KLHL1: variants seen among roughly 807,000 people sequenced by gnomAD.
KLHL1 encodes kelch like family member 1.
Under a neutral mutation model 77.7 loss-of-function variants are expected in KLHL1, and 47 were observed. The ratio of observed to expected loss-of-function variants is 0.60; its 90% CI spans 0.48 to 0.77. The LOEUF (loss-of-function observed/expected upper bound fraction) is 0.77. KLHL1 is among the 30% of genes least tolerant of loss of function. The pLI is 0.00. For synonymous variants in KLHL1, 360 were observed against 325.2 expected (o/e 1.11, Z -1.15); for missense variants, 925 against 910.8 (o/e 1.02, Z -0.20).
At chr13:69,851,633 A>G (rs1282403398) in intron 5 of KLHL1, among the ~76,000 whole-genome samples, 2 of 151,812 alleles carry the variant, frequency 1.3e-5, no homozygotes, top group Non-Finnish European at 2.9e-5. Context: ...ATATTAATAG[A>G]CATTGGTATT....
intron 4 of KLHL1, among the ~76,000 whole-genome samples, chr13:69,930,727 A>C (rs1236112846): frequency 6.6e-6 from 1 of 151,792 alleles, no homozygotes; most frequent in East Asian, 1.9e-4. Context: ...TAATGATCAC[A>C]CAAGTGTATA....
chr13:69,828,429 G>A (rs1423309338), intron 6 of KLHL1, among the ~76,000 whole-genome samples: 4 of 150,176 alleles, frequency 2.7e-5, no homozygotes, highest in South Asian at 2.1e-4. Context: ...ATCTCACAGG[G>A]GTTCTTGGGG....
chr13:69,837,659 TGTGTGTGTGTG>T (rs1879072962), intron 6 of KLHL1, among the ~76,000 whole-genome samples: 10 of 132,758 alleles, frequency 7.5e-5, no homozygotes, highest in Non-Finnish European at 1.1e-4. Context: ...TATATATATG[TGTGTGTGTGTG>T]TATATATATA....
chr13:69,805,676 C>G (rs1318398024), intron 6 of KLHL1, among the ~76,000 whole-genome samples: 1 of 148,122 alleles, frequency 6.8e-6, no homozygotes, highest in Non-Finnish European at 1.5e-5. Context: ...AGTACCAGCT[C>G]TAGATGAAAA....
At chr13:70,020,211 T>C (rs889253636) in intron 1 of KLHL1, among the ~76,000 whole-genome samples, 2 of 152,292 alleles carry the variant, frequency 1.3e-5, no homozygotes, top group South Asian at 2.1e-4. Context: ...ACCAAAGTTA[T>C]ATTCTAACAG....
chr13:69,803,495 T>G (rs964705035), intron 6 of KLHL1, among the ~76,000 whole-genome samples: 9 of 152,240 alleles, frequency 5.9e-5, no homozygotes, highest in African/African-American at 1.9e-4. Context: ...TTTCCCTTCC[T>G]GAGATTACAT....
chr13:70,053,771 A>G (rs534220449), intron 1 of KLHL1, among the ~76,000 whole-genome samples: 299 of 152,228 alleles, frequency 2.0e-3, no homozygotes, highest in Non-Finnish European at 3.6e-3. Context: ...CTAATTGCCT[A>G]CACTTGTTTA....
intron 1 of KLHL1, among the ~76,000 whole-genome samples, chr13:70,092,970 A>T (rs2137444232): frequency 6.6e-6 from 1 of 152,272 alleles, no homozygotes; most frequent in African/African-American, 2.4e-5. Flanking sequence ...CTTTATATCC[A>T]AAATGTATAA....
chr13:69,704,733 A>T (rs951680621), intron 10 of KLHL1, among the ~76,000 whole-genome samples: 2 of 151,746 alleles, frequency 1.3e-5, no homozygotes, highest in African/African-American at 4.8e-5. Context: ...AGATTTATTT[A>T]ATATACATTT....
At chr13:69,801,075 G>T (rs73504085) in intron 6 of KLHL1, among the ~76,000 whole-genome samples, 1 of 151,992 alleles carries the variant, frequency 6.6e-6, no homozygotes, top group African/African-American at 2.4e-5. Context: ...TAAAGCCCTC[G>T]ATGGACCACA....
At chr13:70,018,695 A>G (rs1037382663) in intron 1 of KLHL1, among the ~76,000 whole-genome samples, 2 of 149,990 alleles carry the variant, frequency 1.3e-5, no homozygotes, top group Admixed American at 6.6e-5. Flanking sequence ...TGTTTCCAAA[A>G]GGCAAATAAA....
intron 3 of KLHL1, among the ~76,000 whole-genome samples, chr13:69,956,535 A>G (rs749280465): frequency 1.3e-5 from 2 of 151,454 alleles, no homozygotes; most frequent in Non-Finnish European, 1.5e-5. Flanking sequence ...CTATTTTGAG[A>G]GCAAGACAGC....
chr13:69,988,088 T>TGGG (rs1566475996), intron 1 of KLHL1, among the ~76,000 whole-genome samples: 57 of 151,862 alleles, frequency 3.8e-4, no homozygotes, highest in African/African-American at 1.4e-3. Context: ...TAGCTTTTTT[T>TGGG]TGGCGGGGGG....
intron 1 of KLHL1, among the ~76,000 whole-genome samples, chr13:69,999,146 ATATGTAT>A (rs926996565): frequency 4.6e-5 from 7 of 152,108 alleles, no homozygotes; most frequent in Non-Finnish European, 1.0e-4. Flanking sequence ...TAGCATATGT[ATATGTAT>A]TATGTATTAT....
chr13:69,999,819 A>T (rs1025236642), intron 1 of KLHL1, among the ~76,000 whole-genome samples: 2 of 152,074 alleles, frequency 1.3e-5, no homozygotes, highest in African/African-American at 4.8e-5. Flanking sequence ...GTTGTCTAAA[A>T]AGGCTAGCAT....
intron 3 of KLHL1, among the ~76,000 whole-genome samples, chr13:69,945,512 A>G (rs998885238): frequency 1.3e-5 from 2 of 151,894 alleles, no homozygotes; most frequent in African/African-American, 2.4e-5. Context: ...TAAAAAGATG[A>G]ACCATAAACC....
intron 4 of KLHL1, among the ~76,000 whole-genome samples, chr13:69,925,757 T>C (rs1466744574): frequency 3.9e-5 from 6 of 152,218 alleles, no homozygotes. Flanking sequence ...CATTATTTTT[T>C]GTAGTGACTT....
intron 1 of KLHL1, among the ~76,000 whole-genome samples, chr13:70,101,858 A>G (rs539059462): frequency 1.4e-4 from 21 of 152,268 alleles, no homozygotes; most frequent in African/African-American, 5.1e-4. Flanking sequence ...TAACATAGAC[A>G]AAGTAAGCTT....
chr13:69,993,769 C>T (rs1265253413), intron 1 of KLHL1, among the ~76,000 whole-genome samples: 1 of 152,008 alleles, frequency 6.6e-6, no homozygotes, highest in Non-Finnish European at 1.5e-5. Context: ...TAATTATGTT[C>T]ATTGGAAACA....
Sources: gnomAD v4.1 joint callset for allele counts (sites outside exome capture counted in the v4.1 genomes callset) on GRCh38, gnomAD v4.1.1 for gene constraint, MANE v1.5 for transcripts, NCBI Gene and HGNC (gene_info 2026-07-23, HGNC 2026-07-21) for gene names.